Variants in LYST observed in about 807,000 individuals in gnomAD.
The protein encoded by LYST is lysosomal-trafficking regulator.
A neutral mutation model predicts 413.6 loss-of-function variants in LYST; 192 were observed. That is an observed-to-expected ratio of 0.46 (90% CI 0.41 to 0.52). LYST has a LOEUF of 0.52. LYST is among the 20% of genes least tolerant of loss of function. The pLI is 0.00. For missense variants in LYST, 3,815 were observed against 4,499.9 expected (o/e 0.85, Z 4.35); for synonymous variants, 1,525 against 1,567.3 (o/e 0.97, Z 0.64).
intron 1 of LYST, among the ~76,000 whole-genome samples, chr1:235,843,504 AC>A (rs1344111581): frequency 6.6e-6 from 1 of 152,132 alleles, no homozygotes; most frequent in African/African-American, 2.4e-5. Flanking sequence ...AAATTATATA[AC>A]CTCAGTAAAC....
At chr1:235,763,501 A>T (rs1667802769) in intron 21 of LYST, among the ~76,000 whole-genome samples, 2 of 152,030 alleles carry the variant, frequency 1.3e-5, no homozygotes, top group African/African-American at 4.8e-5. Flanking sequence ...CCCAGGCTGG[A>T]GTATGGTGGT....
chr1:235,730,597 G>A (rs867041886), intron 36 of LYST, among the ~76,000 whole-genome samples: 7 of 100,178 alleles, frequency 7.0e-5, no homozygotes, highest in African/African-American at 2.8e-4. Flanking sequence ...GTGTGTGTGT[G>A]TGTGTGTGTG....
At chr1:235,709,401 T>C in intron 43 of LYST, 93 bp from the exon 44 acceptor site, 1 of 1,018,076 alleles carries the variant, frequency 9.8e-7, no homozygotes, top group Non-Finnish European at 1.5e-6. Flanking sequence ...AAAATAGCTG[T>C]TTGTGTGCTA....
intron 31 of LYST, chr1:235,737,796 C>A (rs1664948771): frequency 2.0e-6 from 1 of 510,150 alleles, no homozygotes; most frequent in East Asian, 1.1e-4. Context: ...TTAGAGGCTA[C>A]TAGGGGCATG....
intron 1 of LYST, among the ~76,000 whole-genome samples, chr1:235,837,297 T>G (rs1279178483): frequency 6.6e-6 from 1 of 152,080 alleles, no homozygotes; most frequent in Non-Finnish European, 1.5e-5. Context: ...TGAAGAAAGC[T>G]TGAAACAGAA....
At chr1:235,840,878 C>T (rs1677126134) in intron 1 of LYST, among the ~76,000 whole-genome samples, 1 of 152,118 alleles carries the variant, frequency 6.6e-6, no homozygotes, top group Admixed American at 6.5e-5. Flanking sequence ...AAAATGAGCA[C>T]AATTTTGGTG....
intron 48 of LYST, among the ~76,000 whole-genome samples, chr1:235,679,984 GCTCT>G (rs748498238): frequency 6.3e-5 from 9 of 143,258 alleles, no homozygotes; most frequent in South Asian, 2.2e-4. Context: ...TGCTTTTAAG[GCTCT>G]CTCTCTCTCT....
chr1:235,734,402 C>CT, intron 32 of LYST, 81 bp downstream of exon 32: 1 of 1,055,760 alleles, frequency 9.5e-7, no homozygotes. Flanking sequence ...CAATGATAGC[C>CT]TGTTCTTAAA....
At position 235,733,834 on chromosome 1, in the gene LYST, G is replaced by C. The variant is rs1664589861; in HGVS notation, c.8608C>G (p.Gln2870Glu). 1 of 1,591,080 alleles carries C rather than the reference G, an allele frequency of 6.3e-7. No homozygotes were observed. The highest frequency in any genetic ancestry group is 1.7e-5 in the Admixed American group (1 of 59,942). The part of the protein sequence containing the change: ...AWQKTVNNNQ[Q>E]SLFQRLDSKS... ...TTGGAACATATAAAATCTTACCTTT[G>C]TTGATTATTGTTAACTGTTTTCTGC... The change falls in exon 33 of 53, where the codon CAA (glutamine) becomes GAA (glutamate). Residue 2870 changes from glutamine to glutamate, a missense_variant. Gln to Glu is a conservative substitution (Grantham distance 29). Around this residue, in one of 4 missense-constraint regions of LYST, gnomAD observed 866 missense variants for 1,156.0 expected, o/e 0.75. Coordinates refer to ENST00000389793, the MANE Select transcript of LYST (RefSeq NM_000081.4).
chr1:235,686,202 A>G lies in LYST; in HGVS notation c.10800+747T>C, dbSNP rs1660207748. Among the ~76,000 whole-genome samples, 1 of 152,106 alleles carries G rather than the reference A, an allele frequency of 6.6e-6. No individual in the cohort carries two copies. Among genetic ancestry groups the G allele is most frequent in the Non-Finnish European group, 1.5e-5 (1 of 68,020 alleles). On this transcript the variant is annotated intron_variant, in intron 48 of 52. Transcript: ENST00000389793. This position sits in a 1 kb window ranked among gnomAD's most constrained non-coding sequence, Gnocchi z 4.0. Reference sequence around the variant, plus strand: ...GCCAACATGGCAAAACCCCATCTCTACTAAAACTACAAAACTTGGCCGGGC... The same window carrying G: ...GCCAACATGGCAAAACCCCATCTCTGCTAAAACTACAAAACTTGGCCGGGC...
chr1:235,684,449 C>T (rs750349681), intron 48 of LYST, among the ~76,000 whole-genome samples: 1 of 151,944 alleles, frequency 6.6e-6, no homozygotes, highest in Non-Finnish European at 1.5e-5. Context: ...GGTTTAGAAT[C>T]GATTTGTAGG....
intron 40 of LYST, 143 bp downstream of exon 40, chr1:235,720,518 T>A: frequency 1.2e-6 from 1 of 810,632 alleles, no homozygotes. Flanking sequence ...TTCACAATTG[T>A]TGAACCAGGG....
intron 2 of LYST, among the ~76,000 whole-genome samples, chr1:235,831,983 A>C (rs948691969): frequency 1.3e-5 from 2 of 152,194 alleles, no homozygotes; most frequent in African/African-American, 2.4e-5. Context: ...ATTTCCCCAC[A>C]ATATCACCTT....
chr1:235,840,160 CAAG>C (rs1289389324), intron 1 of LYST: 2 of 152,186 alleles, frequency 1.3e-5, no homozygotes, highest in Non-Finnish European at 2.9e-5. Flanking sequence ...TCTCTGCCCT[CAAG>C]AAGATTACAT....
rs755060438 is a variant in LYST at position 235,725,638 on chromosome 1, G to A, written c.9163-1458C>T. Among the ~76,000 whole-genome samples, 6 of 152,100 alleles carry A rather than the reference G, an allele frequency of 3.9e-5. No homozygotes were observed. In the South Asian group the frequency reaches 6.2e-4, roughly 16 times the overall value. ...GCTGTGAAACAGTTCTCATGCTTCCGAGTCATTCAGCAAAGGGAAAGCAGA... is the reference window on the plus strand; with the variant it reads ...GCTGTGAAACAGTTCTCATGCTTCCAAGTCATTCAGCAAAGGGAAAGCAGA... On this transcript the variant is annotated intron_variant, in intron 38 of 52. Coordinates refer to ENST00000389793, the MANE Select transcript of LYST (RefSeq NM_000081.4).
rs1349469681 is a variant in LYST, at chr1:235,733,616, G to A, written c.8688C>T (p.Leu2896=). The change falls in exon 34 of 53, where the codon CTC becomes CTT. Residue 2896 remains leucine (L), a synonymous_variant. Transcript: ENST00000389793. The stretch of plus-strand genomic sequence containing the variant: ...CCTTTTTTCTCTCATTTCCTTGGGA[G>A]AGAGACACTGCCTGGGTGATATCTG... ...IAADITQAVS[L]SQGNERKKVI... The A allele has an allele frequency of 1.2e-6, 2 of 1,613,692 alleles. No homozygotes were observed. Among genetic ancestry groups the A allele is most frequent in the Non-Finnish European group, 1.7e-6 (2 of 1,179,702 alleles).
chr1:235,714,127 C>G (rs929299747), intron 42 of LYST, among the ~76,000 whole-genome samples: 1 of 152,122 alleles, frequency 6.6e-6, no homozygotes, highest in African/African-American at 2.4e-5. Context: ...CAGAACATGT[C>G]CAGAAAGATC....
At chr1:235,844,737 C>T (rs1179512171) in intron 1 of LYST, among the ~76,000 whole-genome samples, 1 of 146,896 alleles carries the variant, frequency 6.8e-6, no homozygotes. Flanking sequence ...GTCTGAAATG[C>T]AGGACACTGG....
chr1:235,745,983 G>A (rs1396642744), intron 29 of LYST, among the ~76,000 whole-genome samples: 2 of 152,124 alleles, frequency 1.3e-5, no homozygotes, highest in African/African-American at 4.8e-5. Flanking sequence ...CTCACCTGGT[G>A]ATGATATTAT....
Sources: allele counts gnomAD v4.1 joint callset (sites outside exome capture counted in the v4.1 genomes callset), GRCh38; gene constraint gnomAD v4.1.1; regional missense constraint gnomAD v4.1.1; non-coding constraint Gnocchi (gnomAD v3.1); transcripts MANE v1.5; gene names NCBI Gene and HGNC (gene_info 2026-07-23, HGNC 2026-07-21).